BCAS3: variants seen among roughly 807,000 people sequenced by gnomAD.
BCAS3 encodes BCAS4/BCAS3 fusion.
Under a neutral mutation model 116.1 loss-of-function variants are expected in BCAS3, and 53 were observed. The observed-to-expected ratio is 0.46, with a 90% confidence interval of 0.37 to 0.57. The LOEUF (loss-of-function observed/expected upper bound fraction) is 0.57, where lower values mean the gene tolerates loss of function less well. Ranked by LOEUF, BCAS3 falls within the 20% of genes least tolerant of loss-of-function variation. The probability of loss-of-function intolerance (pLI) is 0.00; values close to 1 mark genes in which losing one functional copy is unlikely to be tolerated. For missense variants in BCAS3, 917 were observed against 1,165.4 expected, an observed-to-expected ratio of 0.79 and a Z score of 3.10; for synonymous variants, 391 against 408.2, an observed-to-expected ratio of 0.96 and a Z score of 0.51.
At chr17:60,976,426 A>AACAT (rs1555644619) in intron 14 of BCAS3, among the ~76,000 whole-genome samples, 1 of 138,208 alleles carries the variant, frequency 7.2e-6, no homozygotes, top group African/African-American at 3.0e-5. Context: ...TTTTGGAAAC[A>AACAT]ATATATATAT....
chr17:61,264,509 G>A (rs530695567), intron 22 of BCAS3, among the ~76,000 whole-genome samples: 1 of 151,674 alleles, frequency 6.6e-6, no homozygotes, highest in South Asian at 2.1e-4. Flanking sequence ...CCTGGTGCAA[G>A]TGATTCTCAT....
intron 7 of BCAS3, among the ~76,000 whole-genome samples, chr17:60,813,507 T>C (rs2049038257): frequency 1.3e-5 from 2 of 152,224 alleles, no homozygotes; most frequent in South Asian, 4.1e-4. Context: ...AGATTCTGGA[T>C]ATTAGATATT....
intron 10 of BCAS3, among the ~76,000 whole-genome samples, chr17:60,897,583 A>G (rs931645669): frequency 3.3e-5 from 5 of 152,190 alleles, no homozygotes; most frequent in African/African-American, 1.2e-4. Context: ...CAGATGTCAT[A>G]ATGTCTTCGC....
At chr17:61,103,730 A>T (rs772836269) in intron 22 of BCAS3, among the ~76,000 whole-genome samples, 1 of 152,020 alleles carries the variant, frequency 6.6e-6, no homozygotes, top group Admixed American at 6.6e-5. Flanking sequence ...TCCTGTTTCT[A>T]TTGCTCCCTC....
chr17:61,142,572 G>A (rs1249455076), intron 22 of BCAS3, among the ~76,000 whole-genome samples: 1 of 152,120 alleles, frequency 6.6e-6, no homozygotes, highest in East Asian at 1.9e-4. Flanking sequence ...GGGAGGGTGG[G>A]GGAACGTATC....
chr17:60,803,796 A>ATTTTTTT (rs11384999), intron 6 of BCAS3, among the ~76,000 whole-genome samples: 18 of 89,322 alleles, frequency 2.0e-4, no homozygotes, highest in Non-Finnish European at 2.6e-4. Context: ...AACTATTACG[A>ATTTTTTT]TTTTTTTTTT....
chr17:61,052,529 T>C (rs913960834), intron 19 of BCAS3, among the ~76,000 whole-genome samples: 1 of 152,102 alleles, frequency 6.6e-6, no homozygotes, highest in African/African-American at 2.4e-5. Flanking sequence ...GTACAGAATT[T>C]GGTGTCATGG....
intron 13 of BCAS3, among the ~76,000 whole-genome samples, chr17:60,940,551 T>C (rs915039888): frequency 6.6e-5 from 10 of 152,226 alleles, no homozygotes; most frequent in African/African-American, 2.4e-4. Context: ...GTTAACGCTT[T>C]CTTTCAGTAC....
At chr17:60,735,318 G>T (rs1270243986) in intron 5 of BCAS3, among the ~76,000 whole-genome samples, 1 of 150,368 alleles carries the variant, frequency 6.7e-6, no homozygotes, top group Non-Finnish European at 1.5e-5. Flanking sequence ...TCCTTTTCTT[G>T]TCTTACTGTA....
In BCAS3 at chr17:61,377,352, G is replaced by T. The variant is rs903844396; in HGVS notation, c.2593+8858G>T. Among the ~76,000 whole-genome samples the T allele has an allele frequency of 3.9e-5, 6 of 152,304 alleles. No individual in the cohort carries two copies. Among genetic ancestry groups the T allele is most frequent in the African/African-American group, 1.2e-4 (5 of 41,566 alleles). On this transcript the variant is annotated intron_variant, in intron 23 of 23. Coordinates refer to ENST00000407086, the MANE Select transcript of BCAS3 (RefSeq NM_017679.5). The surrounding 1 kb of genome is among the most constrained non-coding windows in gnomAD (Gnocchi z 4.6). Reference sequence around the variant, plus strand: ...GGGACAGCCGGTGGCCTCGGCAGGGGTGGTGTTGTTGGTGTTGCTATTTGT... The same window carrying T: ...GGGACAGCCGGTGGCCTCGGCAGGGTTGGTGTTGTTGGTGTTGCTATTTGT...
chr17:60,960,126 A>G lies in BCAS3; in HGVS notation c.1221+12774A>G, dbSNP rs2061342082. ...TGTGGACATGTCTTTTGGGGGCTATAATTCACTTCTCTGTATTCTATCCTC... is the reference window on the plus strand; with the variant it reads ...TGTGGACATGTCTTTTGGGGGCTATGATTCACTTCTCTGTATTCTATCCTC... On this transcript the variant is annotated intron_variant, in intron 14 of 23. Transcript: ENST00000407086. The surrounding 1 kb of genome is among the most constrained non-coding windows in gnomAD (Gnocchi z 4.1). 6.6e-6 allele frequency among the ~76,000 whole-genome samples: 1 copy of G among 152,154 alleles called. No individual in the cohort carries two copies. The highest frequency in any genetic ancestry group is 1.5e-5 in the Non-Finnish European group (1 of 68,034).
intron 22 of BCAS3, among the ~76,000 whole-genome samples, chr17:61,358,730 A>G (rs1198371184): frequency 6.6e-6 from 1 of 152,014 alleles, no homozygotes; most frequent in Non-Finnish European, 1.5e-5. Context: ...TTCCGGCCTC[A>G]GGTGATCCGC....
intron 22 of BCAS3, among the ~76,000 whole-genome samples, chr17:61,254,063 C>T (rs1247147235): frequency 1.3e-5 from 2 of 152,146 alleles, no homozygotes; most frequent in Non-Finnish European, 2.9e-5. Flanking sequence ...TTAAAACCCT[C>T]ATTTTGACCT....
rs979293971 is a variant in BCAS3, at chr17:61,325,968, G to A, written c.2426-42359G>A. On this transcript the variant is annotated intron_variant, in intron 22 of 23. Transcript: ENST00000407086. This position sits in a 1 kb window ranked among gnomAD's most constrained non-coding sequence, Gnocchi z 6.4. ...TCGGCAGAGAACAGAGTGAAAAATC[G>A]TGTTGTCATACATTACTAAGCACCC... Among the ~76,000 whole-genome samples the A allele has an allele frequency of 4.6e-5, 7 of 152,152 alleles. No homozygotes were observed. The highest frequency in any genetic ancestry group is 1.9e-4 in the East Asian group (1 of 5,190).
intron 4 of BCAS3, among the ~76,000 whole-genome samples, chr17:60,694,759 G>A (rs925707606): frequency 1.3e-5 from 2 of 151,538 alleles, no homozygotes; most frequent in East Asian, 1.9e-4. Context: ...TGCATGTGTG[G>A]GCAACAATGG....
intron 6 of BCAS3, among the ~76,000 whole-genome samples, chr17:60,805,189 T>G (rs188658636): frequency 1.3e-5 from 2 of 152,194 alleles, no homozygotes; most frequent in Admixed American, 1.3e-4. Context: ...TATTTAAAGG[T>G]AGTGTGAATA....
intron 22 of BCAS3, among the ~76,000 whole-genome samples, chr17:61,234,326 T>C (rs974815247): frequency 6.6e-6 from 1 of 152,260 alleles, no homozygotes; most frequent in Admixed American, 6.5e-5. Flanking sequence ...GGTTGCAATT[T>C]TGGCCTAGAG....
intron 22 of BCAS3, among the ~76,000 whole-genome samples, chr17:61,090,346 C>T (rs977237951): frequency 6.6e-6 from 1 of 152,062 alleles, no homozygotes; most frequent in Non-Finnish European, 1.5e-5. Context: ...GTACTGAAAG[C>T]TTGTGTGGGA....
intron 7 of BCAS3, among the ~76,000 whole-genome samples, chr17:60,816,534 A>C (rs770185685): frequency 6.6e-6 from 1 of 152,184 alleles, no homozygotes; most frequent in African/African-American, 2.4e-5. Flanking sequence ...CGGCCCCCCA[A>C]AATGCTGGGA....
Sources: gnomAD v4.1 joint callset for allele counts (sites outside exome capture counted in the v4.1 genomes callset) on GRCh38, gnomAD v4.1.1 for gene constraint, Gnocchi (gnomAD v3.1) non-coding constraint, MANE v1.5 for transcripts, NCBI Gene and HGNC (gene_info 2026-07-23, HGNC 2026-07-21) for gene names.